Variants in LYRM4 observed in about 807,000 individuals in gnomAD.
LYRM4 encodes the protein LYR motif-containing protein 4.
LYRM4 carries 9 observed loss-of-function variants against 11.7 expected under a neutral mutation model. That is an observed-to-expected ratio of 0.77 (90% confidence interval 0.46 to 1.34). LYRM4 has a LOEUF of 1.34. Ranked by LOEUF, LYRM4 falls within the 40% of genes most tolerant of loss-of-function variation. The pLI is 0.00. For missense variants in LYRM4, 133 were observed against 112.5 expected, an observed-to-expected ratio of 1.18 and a Z score of -0.82; for synonymous variants, 42 against 40.4, an observed-to-expected ratio of 1.04 and a Z score of -0.15.
the LYRM4 span, among the ~76,000 whole-genome samples, chr6:5,067,261 C>A: frequency 6.6e-6 from 1 of 152,210 alleles, no homozygotes; most frequent in Non-Finnish European, 1.5e-5. Context: ...CAGATGACCT[C>A]AAACTTAGTA....
intron 1 of LYRM4, among the ~76,000 whole-genome samples, chr6:5,220,858 G>T (rs1188231973): frequency 1.3e-5 from 2 of 152,066 alleles, no homozygotes; most frequent in Non-Finnish European, 2.9e-5. Context: ...TCAGAGACAG[G>T]GTTTCACTGT....
At chr6:5,242,319 G>A (rs948871156) in intron 1 of LYRM4, among the ~76,000 whole-genome samples, 60 of 151,824 alleles carry the variant, frequency 4.0e-4, no homozygotes, top group Non-Finnish European at 7.8e-4. Flanking sequence ...TGATCTGCCC[G>A]CCTCGGCCTC....
At chr6:5,061,400 T>C in the LYRM4 span, among the ~76,000 whole-genome samples, 1 of 152,206 alleles carries the variant, frequency 6.6e-6, no homozygotes, top group African/African-American at 2.4e-5. Flanking sequence ...CACAATTGTT[T>C]GAATATCTTA....
chr6:5,200,773 C>G (rs73719741), intron 2 of LYRM4, among the ~76,000 whole-genome samples: 9,006 of 152,222 alleles, frequency 0.059, 850 homozygotes, highest in African/African-American at 0.2. Context: ...TGATGCCTGA[C>G]TCCCACACTC....
At chr6:5,233,936 G>A (rs989109440) in intron 1 of LYRM4, among the ~76,000 whole-genome samples, 2 of 152,238 alleles carry the variant, frequency 1.3e-5, no homozygotes, top group Non-Finnish European at 1.5e-5. Context: ...ACCCAGGCAA[G>A]TGAAACTTGG....
chr6:5,251,021 G>C (rs1242112181), intron 1 of LYRM4, among the ~76,000 whole-genome samples: 3 of 152,102 alleles, frequency 2.0e-5, no homozygotes, highest in Admixed American at 6.5e-5. Context: ...TCCACTGTTC[G>C]GGCACTATTT....
At chr6:5,182,912 T>C (rs948522177) in intron 2 of LYRM4, among the ~76,000 whole-genome samples, 4 of 152,264 alleles carry the variant, frequency 2.6e-5, no homozygotes, top group African/African-American at 7.2e-5. Flanking sequence ...GAATTTTTTA[T>C]TGTAAAAGAT....
chr6:5,245,347 T>A (rs1473751910), intron 1 of LYRM4, among the ~76,000 whole-genome samples: 1 of 151,486 alleles, frequency 6.6e-6, no homozygotes, highest in Admixed American at 6.6e-5. Flanking sequence ...CCTTTACTCC[T>A]ACTTGTTAAT....
Position 5,245,163 on chromosome 6 carries a change from T to TATATATATAA in LYRM4, c.86+15484_86+15485insTTATATATAT, listed in dbSNP as rs1373926501. On this transcript the variant is annotated intron_variant, in intron 1 of 2. Transcript: ENST00000330636. ...ATATATATATATATATATATATATA[T>TATATATATAA]AAAATAGGTGAATTTCTGGAACAAA... Among the ~76,000 whole-genome samples, 24 of 65,250 alleles carry TATATATATAA rather than the reference T, an allele frequency of 3.7e-4. 1 individual carries two copies. The highest frequency in any genetic ancestry group is 5.9e-4 in the South Asian group (1 of 1,682). 42.8% of individuals were successfully genotyped at this position (65,250 alleles called of 152,430 possible).
intron 1 of LYRM4, 50 bp downstream of exon 1, chr6:5,260,598 T>TCCCCCGG: frequency 9.0e-7 from 1 of 1,105,570 alleles, no homozygotes; most frequent in South Asian, 1.3e-5. Flanking sequence ...GCACCCCCGG[T>TCCCCCGG]CCCCGGCCCC....
the LYRM4 span, chr6:5,088,100 A>C: frequency 6.5e-3 from 940 of 145,636 alleles, 2 homozygotes; most frequent in Middle Eastern, 0.017. Flanking sequence ...TAATTTTCTT[A>C]TTATTATTTT....
chr6:5,227,902 A>C (rs1340718471), intron 1 of LYRM4, among the ~76,000 whole-genome samples: 3 of 152,284 alleles, frequency 2.0e-5, no homozygotes, highest in Admixed American at 6.5e-5. Flanking sequence ...CAAACACCAC[A>C]TGTTCGCACT....
intron 2 of LYRM4, among the ~76,000 whole-genome samples, chr6:5,192,791 C>T (rs370462954): frequency 3.3e-5 from 5 of 152,168 alleles, no homozygotes; most frequent in Admixed American, 6.5e-5. Context: ...TTTGGGAGGC[C>T]GAGGCGGGCG....
At chr6:5,070,874 A>G in the LYRM4 span, among the ~76,000 whole-genome samples, 1 of 149,970 alleles carries the variant, frequency 6.7e-6, no homozygotes, top group Non-Finnish European at 1.5e-5. Context: ...GTCTTGAAAA[A>G]AAAAAAAAAA....
At chr6:5,031,837 T>A in the LYRM4 span, 295 of 152,332 alleles carry the variant, frequency 1.9e-3, 1 homozygote, top group African/African-American at 6.9e-3. Context: ...ATACAATTTA[T>A]TAATATCTCA....
Position 5,151,091 on chromosome 6 carries a change from T to C in LYRM4, c.208-41600A>G, listed in dbSNP as rs777116180. 9.9e-3 allele frequency among the ~76,000 whole-genome samples: 1,507 copies of C among 151,492 alleles called. 12 individuals are homozygous for C. The highest frequency in any genetic ancestry group is 0.016 in the Non-Finnish European group (1,075 of 67,842). On this transcript the variant is annotated intron_variant, in intron 2 of 2. Transcript: ENST00000330636. ...GCCTTTTGTTTGTTTTGAATTTTTTTTTTTTTTTTTTGCAACGGAGTCTTG... is the reference window on the plus strand; with the variant it reads ...GCCTTTTGTTTGTTTTGAATTTTTTCTTTTTTTTTTTGCAACGGAGTCTTG...
At chr6:5,257,251 G>A (rs544512111) in intron 1 of LYRM4, among the ~76,000 whole-genome samples, 2 of 151,772 alleles carry the variant, frequency 1.3e-5, no homozygotes, top group East Asian at 3.9e-4. Context: ...TCCTGTCACC[G>A]CCCCCCCAAC....
the LYRM4 span, chr6:5,066,464 A>G: frequency 1.3e-6 from 1 of 760,138 alleles, no homozygotes; most frequent in East Asian, 2.5e-5. Flanking sequence ...CCAAATTCTG[A>G]AAGAGCCCTT....
At chr6:5,177,098 G>A (rs900231232) in intron 2 of LYRM4, among the ~76,000 whole-genome samples, 3 of 152,198 alleles carry the variant, frequency 2.0e-5, no homozygotes, top group African/African-American at 7.2e-5. Flanking sequence ...ATGGAAAAGT[G>A]CGAATACAGT....
Sources: gnomAD v4.1 joint callset for allele counts (sites outside exome capture counted in the v4.1 genomes callset) on GRCh38, gnomAD v4.1.1 for gene constraint, MANE v1.5 for transcripts, NCBI Gene and HGNC (gene_info 2026-07-23, HGNC 2026-07-21) for gene names.